GLP2R: variants seen among roughly 807,000 people sequenced by gnomAD.
GLP2R encodes glucagon-like peptide 2 receptor.
In GLP2R, 59 loss-of-function variants were observed where a neutral mutation model predicts 68.2. That is an observed-to-expected ratio of 0.87 (90% confidence interval 0.70 to 1.07). The LOEUF is 1.07. Ranked by LOEUF, GLP2R falls within the 50% of genes least tolerant of loss-of-function variation. The probability of loss-of-function intolerance (pLI) is 0.00; values close to 1 mark genes in which losing one functional copy is unlikely to be tolerated. For synonymous variants in GLP2R, 270 were observed against 265.4 expected (o/e 1.02, Z -0.17); for missense variants, 548 against 677.4 (o/e 0.81, Z 2.12).
chr17:9,842,142 G>T (rs138076563), intron 3 of GLP2R, among the ~76,000 whole-genome samples: 66 of 152,258 alleles, frequency 4.3e-4, no homozygotes, highest in Middle Eastern at 3.4e-3. Flanking sequence ...CTTCTGCATG[G>T]CATGAGCCTC....
At chr17:9,860,806 C>T (rs2066981105) in intron 7 of GLP2R, among the ~76,000 whole-genome samples, 1 of 152,188 alleles carries the variant, frequency 6.6e-6, no homozygotes, top group East Asian at 1.9e-4. Flanking sequence ...CCTACCTCCA[C>T]AAACCCTTTG....
chr17:9,855,875 G>A (rs1295023677), intron 5 of GLP2R, among the ~76,000 whole-genome samples: 1 of 152,198 alleles, frequency 6.6e-6, no homozygotes, highest in Non-Finnish European at 1.5e-5. Context: ...ACTAAATCAT[G>A]CTTTTAGAAA....
At chr17:9,826,521 C>A (rs1219285894) in intron 1 of GLP2R, among the ~76,000 whole-genome samples, 1 of 152,060 alleles carries the variant, frequency 6.6e-6, no homozygotes, top group African/African-American at 2.4e-5. Flanking sequence ...CCCAACCAGC[C>A]CCGCATCATA....
intron 9 of GLP2R, chr17:9,866,017 G>T (rs1272460643): frequency 1.2e-5 from 5 of 430,586 alleles, no homozygotes; most frequent in Admixed American, 5.1e-5. Flanking sequence ...TAAACCTGCT[G>T]CCCTCCCAAT....
At chr17:9,840,892 G>A (rs1294995970) in intron 3 of GLP2R, among the ~76,000 whole-genome samples, 15 of 152,100 alleles carry the variant, frequency 9.9e-5, no homozygotes, top group Admixed American at 9.8e-4. Context: ...GTGAAGAGGG[G>A]AGAGAAGCAA....
intron 11 of GLP2R, among the ~76,000 whole-genome samples, chr17:9,882,335 C>T (rs534687179): frequency 6.6e-6 from 1 of 152,278 alleles, no homozygotes; most frequent in East Asian, 1.9e-4. Flanking sequence ...ATCATTCTAT[C>T]TGGGGTGAAA....
intron 11 of GLP2R, among the ~76,000 whole-genome samples, chr17:9,881,194 A>G (rs969059933): frequency 2.0e-5 from 3 of 152,126 alleles, no homozygotes; most frequent in African/African-American, 7.2e-5. Context: ...CACTCACATG[A>G]CTGGTGCCTA....
chr17:9,847,338 C>T (rs919913234), intron 4 of GLP2R, among the ~76,000 whole-genome samples: 10 of 151,856 alleles, frequency 6.6e-5, no homozygotes, highest in Non-Finnish European at 1.3e-4. Flanking sequence ...GGCACGATCT[C>T]GGCTCACTGC....
intron 4 of GLP2R, among the ~76,000 whole-genome samples, chr17:9,851,898 AT>A (rs1309925214): frequency 9.9e-5 from 15 of 152,124 alleles, no homozygotes; most frequent in Non-Finnish European, 2.1e-4. Flanking sequence ...TAAAAAAAAA[AT>A]AACAACATAC....
intron 12 of GLP2R, among the ~76,000 whole-genome samples, chr17:9,889,105 T>C (rs564392907): frequency 1.3e-5 from 2 of 152,194 alleles, no homozygotes; most frequent in Non-Finnish European, 2.9e-5. Flanking sequence ...CAAGCAGGTT[T>C]CAGCTCACAT....
At chr17:9,860,244 G>C (rs1251509240) in intron 7 of GLP2R, 143 bp downstream of exon 7, 2 of 746,390 alleles carry the variant, frequency 2.7e-6, no homozygotes, top group Non-Finnish European at 4.3e-6. Flanking sequence ...GCTTTGAAGA[G>C]GGGTATGTGT....
chr17:9,869,212 C>G (rs1324475432), intron 9 of GLP2R, among the ~76,000 whole-genome samples: 1 of 152,208 alleles, frequency 6.6e-6, no homozygotes, highest in African/African-American at 2.4e-5. Flanking sequence ...AACTGATCTC[C>G]CCTCCTCCAG....
rs752641220 is a variant in GLP2R at position 9,826,058 on chromosome 17, AG to A, written c.-4del. On this transcript the variant is annotated 5_prime_UTR_variant, in exon 1 of 13. Coordinates refer to ENST00000262441, the MANE Select transcript of GLP2R (RefSeq NM_004246.3). ...GTACCCCTACTTGTGAAGGTGCACG[AG>A]GAAGATGAAGCTGGGATCGAGCAGG... 1.2e-6 allele frequency: 2 copies of A among 1,609,076 alleles called. No homozygotes were observed. Among genetic ancestry groups the A allele is most frequent in the African/African-American group, 2.7e-5 (2 of 74,730 alleles).
At chr17:9,842,218 C>T (rs1317802083) in intron 3 of GLP2R, among the ~76,000 whole-genome samples, 7 of 152,184 alleles carry the variant, frequency 4.6e-5, no homozygotes, top group African/African-American at 1.7e-4. Flanking sequence ...TGGGCTGAAC[C>T]TTGGAGGGCT....
intron 10 of GLP2R, among the ~76,000 whole-genome samples, 159 bp downstream of exon 10, chr17:9,870,994 A>G (rs1239172352): frequency 6.6e-6 from 1 of 152,152 alleles, no homozygotes; most frequent in Non-Finnish European, 1.5e-5. Context: ...GCTTTTGTCA[A>G]TGGTGAGGAC....
At chr17:9,871,062 A>G (rs1458489013) in intron 10 of GLP2R, among the ~76,000 whole-genome samples, 1 of 152,110 alleles carries the variant, frequency 6.6e-6, no homozygotes, top group Admixed American at 6.6e-5. Context: ...CCCCCAGCAG[A>G]AAACTGTTAA....
intron 9 of GLP2R, among the ~76,000 whole-genome samples, chr17:9,867,488 A>G (rs2067050172): frequency 6.6e-6 from 1 of 152,234 alleles, no homozygotes; most frequent in African/African-American, 2.4e-5. Flanking sequence ...CAGAAATTGT[A>G]GAATTCCCAC....
intron 3 of GLP2R, among the ~76,000 whole-genome samples, chr17:9,841,633 T>C (rs2066788112): frequency 6.6e-6 from 1 of 152,076 alleles, no homozygotes; most frequent in Admixed American, 6.5e-5. Flanking sequence ...GGAGCAGATT[T>C]TGAAAAGAAG....
intron 5 of GLP2R, among the ~76,000 whole-genome samples, chr17:9,856,737 C>T (rs2066936762): frequency 6.6e-6 from 1 of 152,206 alleles, no homozygotes; most frequent in Non-Finnish European, 1.5e-5. Flanking sequence ...AACTCTGCGA[C>T]TTACTGCTCT....
Sources: allele counts gnomAD v4.1 joint callset (sites outside exome capture counted in the v4.1 genomes callset), GRCh38; gene constraint gnomAD v4.1.1; transcripts MANE v1.5; gene names NCBI Gene and HGNC (gene_info 2026-07-23, HGNC 2026-07-21).